Variants in DYNC2I2 observed in about 807,000 individuals in gnomAD.
DYNC2I2 encodes cytoplasmic dynein 2 intermediate chain 2.
DYNC2I2 carries 39 observed loss-of-function variants against 52.0 expected under a neutral mutation model. The observed-to-expected ratio is 0.75, with a 90% CI of 0.58 to 0.98. The LOEUF (loss-of-function observed/expected upper bound fraction) is 0.98, where lower values mean the gene tolerates loss of function less well. Ranked by LOEUF, DYNC2I2 falls within the 50% of genes least tolerant of loss-of-function variation. DYNC2I2 has a pLI of 0.00. For synonymous variants in DYNC2I2, 359 were observed against 321.1 expected (o/e 1.12, Z -1.26); for missense variants, 743 against 728.4 (o/e 1.02, Z -0.23).
chr9:128,681,101 CTTT>C, the DYNC2I2 span, among the ~76,000 whole-genome samples: 2 of 151,830 alleles, frequency 1.3e-5, no homozygotes, highest in African/African-American at 4.8e-5. Context: ...CATTTCTTTT[CTTT>C]TTTAGAGACG....
chr9:128,642,440 T>C (rs1483102507), intron 1 of DYNC2I2, among the ~76,000 whole-genome samples: 2 of 99,772 alleles, frequency 2.0e-5, no homozygotes, highest in Admixed American at 2.6e-4. Context: ...TGGCCTATGG[T>C]AGGAGACTTT....
At chr9:128,677,836 AG>A in the DYNC2I2 span, among the ~76,000 whole-genome samples, 21 of 151,972 alleles carry the variant, frequency 1.4e-4, no homozygotes, top group African/African-American at 5.1e-4. Context: ...AAAACACGGC[AG>A]GGTAGAGTAA....
At chr9:128,674,758 T>C in the DYNC2I2 span, among the ~76,000 whole-genome samples, 1 of 151,964 alleles carries the variant, frequency 6.6e-6, no homozygotes, top group Non-Finnish European at 1.5e-5. Flanking sequence ...AAATAAAAAA[T>C]GTCTAGACAT....
the DYNC2I2 span, among the ~76,000 whole-genome samples, chr9:128,673,667 G>A: frequency 2.6e-5 from 4 of 151,864 alleles, no homozygotes; most frequent in African/African-American, 9.7e-5. Context: ...CACCAAGCCC[G>A]GCTAATGTTT....
At chr9:128,647,825 G>A (rs144870484) in intron 1 of DYNC2I2, among the ~76,000 whole-genome samples, 113 of 151,616 alleles carry the variant, frequency 7.5e-4, no homozygotes, top group African/African-American at 2.6e-3. Flanking sequence ...GGGAATCAGA[G>A]AACAGTAATT....
Position 128,634,705 on chromosome 9 carries a change from A to G in DYNC2I2, c.1198T>C (p.Cys400Arg), listed in dbSNP as rs1230558055. 6.4e-7 allele frequency: 1 copy of G among 1,574,022 alleles called. No individual in the cohort carries two copies. The highest frequency in any genetic ancestry group is 1.2e-5 in the South Asian group (1 of 85,926). Residue 400 changes from cysteine (C) to arginine (R), a missense_variant, in exon 7 of 9, where the codon TGT (cysteine) becomes CGT (arginine). Physicochemically the swap from Cys to Arg is radical, Grantham distance 180. Coordinates refer to ENST00000372715, the MANE Select transcript of DYNC2I2 (RefSeq NM_052844.4). ...PHGGPIYSVSCSPFHRNLFLS... is the reference protein window; with the variant it reads ...PHGGPIYSVSRSPFHRNLFLS... ...CCTACGTACCTGTGGAAGGGGGAAC[A>G]GCTCACAGAGTAGATGGGACCGCCG...
intron 1 of DYNC2I2, among the ~76,000 whole-genome samples, chr9:128,653,437 G>A (rs947686318): frequency 1.3e-5 from 2 of 150,298 alleles, no homozygotes; most frequent in East Asian, 2.0e-4. Context: ...AAACTGGGCC[G>A]GACACGGTGG....
chr9:128,646,047 A>AG (rs1441796300), intron 1 of DYNC2I2, among the ~76,000 whole-genome samples: 1 of 152,200 alleles, frequency 6.6e-6, no homozygotes, highest in Admixed American at 6.6e-5. Flanking sequence ...AAGCCAGCAG[A>AG]GGTTGGCTCA....
chr9:128,636,410 T>C lies in DYNC2I2; in HGVS notation c.574A>G (p.Lys192Glu). Residue 192 changes from lysine (K) to glutamate (E), a missense_variant, in exon 4 of 9, where the codon AAG becomes GAG. Lys to Glu is a moderately conservative substitution (Grantham distance 56). Coordinates refer to ENST00000372715, the MANE Select transcript of DYNC2I2 (RefSeq NM_052844.4). ...RLDHGDWSTL[K>E]SFVCAWNLDR... ...AGGTTCCAGGCACACACGAAGGACTTAAGCGTGCTCCAGTCCCCATGGTCC... is the reference window on the plus strand; with the variant it reads ...AGGTTCCAGGCACACACGAAGGACTCAAGCGTGCTCCAGTCCCCATGGTCC... 2 of 1,609,234 alleles carry C rather than the reference T, an allele frequency of 1.2e-6. No homozygotes were observed. Among genetic ancestry groups the C allele is most frequent in the Non-Finnish European group, 1.7e-6 (2 of 1,178,932 alleles).
intron 1 of DYNC2I2, among the ~76,000 whole-genome samples, chr9:128,648,136 C>T (rs921837313): frequency 6.6e-6 from 1 of 152,176 alleles, no homozygotes; most frequent in Non-Finnish European, 1.5e-5. Context: ...TGGCCGGGCA[C>T]AGTGGCTCGC....
In DYNC2I2 at chr9:128,634,273, C is replaced by G. The variant is rs1178462980; in HGVS notation, c.1325G>C (p.Arg442Pro). The change falls in exon 8 of 9, where the codon CGC becomes CCC. Residue 442 changes from arginine to proline, a missense_variant. By Grantham distance (103) the Arg-to-Pro change is moderately radical. Coordinates refer to ENST00000372715, the MANE Select transcript of DYNC2I2 (RefSeq NM_052844.4). Reference protein sequence around the residue: ...QLSLKYLFAVRWSPVRPLVFA... With the variant: ...QLSLKYLFAVPWSPVRPLVFA... ...AACCAAGGGCCGCACTGGGGACCAG[C>G]GCACAGCAAACAGATACTTGAGGGA... 1.9e-6 allele frequency: 3 copies of G among 1,613,892 alleles called. No individual in the cohort carries two copies. The highest frequency in any genetic ancestry group is 2.7e-5 in the African/African-American group (2 of 75,048).
Position 128,656,647 on chromosome 9 carries a change from G to A in DYNC2I2, c.80C>T (p.Ala27Val), listed in dbSNP as rs767441223. 4 of 1,506,186 alleles carry A rather than the reference G, an allele frequency of 2.7e-6. No homozygotes were observed. The highest frequency in any genetic ancestry group is 3.5e-6 in the Non-Finnish European group (4 of 1,135,626). The allele number at this position is 1,506,186 out of a possible 1,614,324, so 93.3% of individuals were successfully genotyped here. The change falls in exon 1 of 9, where the codon GCG (alanine) becomes GTG (valine). Residue 27 changes from alanine (A) to valine (V), a missense_variant. By Grantham distance (64) the Ala-to-Val change is moderately conservative. Transcript: ENST00000372715. The stretch of plus-strand genomic sequence containing the variant: ...TGGCCGCCCCGGCCCCGGGCCGCTC[G>A]CAACCCCGACTGTCGCCAGCGCCGC... ...GVAALATVGV[A>V]SGPGPGRPGP...
chr9:128,678,200 G>A, the DYNC2I2 span, among the ~76,000 whole-genome samples: 1 of 151,482 alleles, frequency 6.6e-6, no homozygotes, highest in Non-Finnish European at 1.5e-5. Context: ...CTCCCGAGTA[G>A]CTAGGATTAC....
chr9:128,673,550 G>A, the DYNC2I2 span, among the ~76,000 whole-genome samples: 4 of 151,322 alleles, frequency 2.6e-5, no homozygotes, highest in Non-Finnish European at 5.9e-5. Flanking sequence ...CTGTCACCCG[G>A]GCTGGAGTGC....
intron 6 of DYNC2I2, 54 bp downstream of exon 6, chr9:128,635,038 C>A: frequency 6.3e-7 from 1 of 1,585,760 alleles, no homozygotes. Context: ...CCACACCTTC[C>A]CACCCCCAAG....
intron 1 of DYNC2I2, among the ~76,000 whole-genome samples, chr9:128,643,160 G>A (rs1229124421): frequency 1.3e-5 from 2 of 151,948 alleles, no homozygotes; most frequent in East Asian, 3.8e-4. Flanking sequence ...TGAAGCAAGA[G>A]GATCACTTGA....
At chr9:128,653,729 A>AAAAACTG (rs1860763919) in intron 1 of DYNC2I2, among the ~76,000 whole-genome samples, 1 of 130,430 alleles carries the variant, frequency 7.7e-6, no homozygotes, top group African/African-American at 3.0e-5. Flanking sequence ...AAAAAAACCC[A>AAAAACTG]GGCCGGGCGC....
At chr9:128,641,296 C>A (rs1000012576) in intron 1 of DYNC2I2, among the ~76,000 whole-genome samples, 1 of 152,034 alleles carries the variant, frequency 6.6e-6, no homozygotes, top group African/African-American at 2.4e-5. Context: ...AGAACCACAT[C>A]GGCTCACAGC....
chr9:128,650,805 G>A lies in DYNC2I2; in HGVS notation c.186+5736C>T. Among the ~76,000 whole-genome samples the A allele has an allele frequency of 3.5e-5, 2 of 56,710 alleles. 1 individual carries two copies. Among genetic ancestry groups the A allele is most frequent in the Non-Finnish European group, 1.5e-4 (2 of 13,424 alleles). 37.2% of individuals were successfully genotyped at this position (56,710 alleles called of 152,430 possible). A position where few individuals can be genotyped will look rare whatever the true frequency, so the allele number is the denominator to read the frequency against. ...CCCACCTCAGCCTCCCAAAGTGCTG[G>A]AATTACAGGCGTGAGCCACCACGCC... On this transcript the variant is annotated intron_variant, in intron 1 of 8. Transcript: ENST00000372715.
Sources: allele counts gnomAD v4.1 joint callset (sites outside exome capture counted in the v4.1 genomes callset), GRCh38; gene constraint gnomAD v4.1.1; transcripts MANE v1.5; gene names NCBI Gene and HGNC (gene_info 2026-07-23, HGNC 2026-07-21).